TMTC1: variants seen among roughly 807,000 people sequenced by gnomAD.
TMTC1 encodes the protein protein O-mannosyl-transferase TMTC1.
TMTC1 carries 73 observed loss-of-function variants against 104.8 expected under a neutral mutation model. The ratio of observed to expected loss-of-function variants is 0.70; its 90% CI spans 0.58 to 0.85. The LOEUF (loss-of-function observed/expected upper bound fraction) is 0.85, where lower values mean the gene tolerates loss of function less well. Among genes scored for constraint, TMTC1 ranks in the 40% least tolerant of loss-of-function variants. The pLI, the probability that TMTC1 is intolerant of heterozygous loss-of-function variation, is 0.00. For synonymous variants in TMTC1, 434 were observed against 428.7 expected (o/e 1.01, Z -0.15); for missense variants, 1,035 against 1,096.1 (o/e 0.94, Z 0.79).
rs150295105 is a variant in TMTC1, at chr12:29,667,729, C to T, written c.939-34393G>A. 7.2e-3 allele frequency among the ~76,000 whole-genome samples: 1,094 copies of T among 152,234 alleles called. 9 individuals are homozygous for T. The highest frequency in any genetic ancestry group is 7.7e-3 in the Non-Finnish European group (523 of 68,014). On this transcript the variant is annotated intron_variant, in intron 5 of 17. Transcript: ENST00000539277. ...TCTATGATTAATTTAGTTGGAGGCC[C>T]TAGTTTTTTATTCCTTCTACAACTA...
intron 6 of TMTC1, among the ~76,000 whole-genome samples, chr12:29,621,128 A>C (rs893857729): frequency 1.7e-4 from 26 of 152,226 alleles, no homozygotes; most frequent in Non-Finnish European, 2.9e-5. Flanking sequence ...TGAAAAGAGG[A>C]ATGTAGGCCA....
intron 5 of TMTC1, among the ~76,000 whole-genome samples, chr12:29,695,353 C>T (rs1941385352): frequency 6.6e-6 from 1 of 151,880 alleles, no homozygotes; most frequent in Non-Finnish European, 1.5e-5. Context: ...TGTTGACAGG[C>T]TGGAGTGTGG....
At chr12:29,704,121 T>C (rs1265990065) in intron 5 of TMTC1, among the ~76,000 whole-genome samples, 1 of 152,232 alleles carries the variant, frequency 6.6e-6, no homozygotes, top group African/African-American at 2.4e-5. Context: ...TTATTATCAT[T>C]GGTACCTGAT....
intron 5 of TMTC1, among the ~76,000 whole-genome samples, chr12:29,744,913 GT>G (rs1392740873): frequency 6.6e-6 from 1 of 151,898 alleles, no homozygotes; most frequent in African/African-American, 2.4e-5. Flanking sequence ...TTGAAAATAA[GT>G]TTTGTACTTA....
intron 5 of TMTC1, among the ~76,000 whole-genome samples, chr12:29,708,806 CT>C (rs1941821946): frequency 6.6e-6 from 1 of 152,192 alleles, no homozygotes; most frequent in Non-Finnish European, 1.5e-5. Flanking sequence ...GATAGAGCCT[CT>C]GCAACAAGAG....
At chr12:29,656,339 T>TATATATAC (rs896600524) in intron 5 of TMTC1, among the ~76,000 whole-genome samples, 24 of 146,936 alleles carry the variant, frequency 1.6e-4, no homozygotes, top group African/African-American at 5.0e-4. Flanking sequence ...TATATATATA[T>TATATATAC]ACACACATAC....
At position 29,505,907 on chromosome 12, in the gene TMTC1, G is replaced by A. The variant is rs959377215; in HGVS notation, c.*939C>T. Reference sequence around the variant, plus strand: ...TGATACATCATAAAGGTTCCTCAATGGTTCAATATATTTTTCAAAAAAATA... The same window carrying A: ...TGATACATCATAAAGGTTCCTCAATAGTTCAATATATTTTTCAAAAAAATA... On this transcript the variant is annotated 3_prime_UTR_variant, in exon 18 of 18. Coordinates refer to ENST00000539277, the MANE Select transcript of TMTC1 (RefSeq NM_001193451.2). 6.6e-6 allele frequency: 1 copy of A among 151,630 alleles called. No homozygotes were observed. Among genetic ancestry groups the A allele is most frequent in the Non-Finnish European group, 1.5e-5 (1 of 67,896 alleles). 9.4% of individuals were successfully genotyped at this position (151,630 alleles called of 1,614,324 possible). A position where few individuals can be genotyped will look rare whatever the true frequency, so the allele number is the denominator to read the frequency against.
chr12:29,580,726 C>A (rs1565685332), intron 8 of TMTC1, among the ~76,000 whole-genome samples: 1 of 152,186 alleles, frequency 6.6e-6, no homozygotes, highest in Non-Finnish European at 1.5e-5. Flanking sequence ...TTTTTCTCCT[C>A]TTTTAATACT....
chr12:29,775,856 A>G (rs993264866), intron 1 of TMTC1, among the ~76,000 whole-genome samples: 6 of 152,090 alleles, frequency 3.9e-5, no homozygotes, highest in African/African-American at 1.4e-4. Flanking sequence ...ATAACCATCT[A>G]GGAGCCCACC....
rs112213420 is a variant in TMTC1, at chr12:29,600,219, C to T, written c.1250+3959G>A. ...ATTATCCAGTGCTCTGACACATCCA[C>T]GGGATGCCTATAGCATCTGTAAAAT... is the stretch of plus-strand genomic sequence containing the variant. On this transcript the variant is annotated intron_variant, in intron 7 of 17. Coordinates refer to ENST00000539277, the MANE Select transcript of TMTC1 (RefSeq NM_001193451.2). Among the ~76,000 whole-genome samples the T allele has an allele frequency of 8.9e-4, 136 of 152,022 alleles. 1 individual carries two copies. The highest frequency in any genetic ancestry group is 3.1e-3 in the African/African-American group (130 of 41,454).
At chr12:29,681,490 T>C (rs1019275071) in intron 5 of TMTC1, among the ~76,000 whole-genome samples, 2 of 152,186 alleles carry the variant, frequency 1.3e-5, no homozygotes, top group Non-Finnish European at 1.5e-5. Context: ...CTCCTAGAAG[T>C]ACACAGCACC....
intron 6 of TMTC1, among the ~76,000 whole-genome samples, chr12:29,616,705 C>T (rs1946990172): frequency 6.7e-6 from 1 of 148,234 alleles, no homozygotes; most frequent in Non-Finnish European, 1.5e-5. Context: ...TTCTGCTGTT[C>T]AGCCCTTTGT....
At chr12:29,596,388 CTT>C (rs1172608416) in intron 7 of TMTC1, among the ~76,000 whole-genome samples, 19 of 152,166 alleles carry the variant, frequency 1.2e-4, no homozygotes, top group Admixed American at 1.2e-3. Flanking sequence ...TTATTTCATT[CTT>C]TGTCTTCAGA....
At chr12:29,624,273 C>T (rs1258960742) in intron 6 of TMTC1, among the ~76,000 whole-genome samples, 1 of 152,178 alleles carries the variant, frequency 6.6e-6, no homozygotes, top group Non-Finnish European at 1.5e-5. Flanking sequence ...AGCCACTGCG[C>T]CCAGCAAGGA....
At chr12:29,527,264 A>G (rs1183407166) in intron 11 of TMTC1, among the ~76,000 whole-genome samples, 1 of 152,220 alleles carries the variant, frequency 6.6e-6, no homozygotes, top group Non-Finnish European at 1.5e-5. Context: ...AAGATCTGAG[A>G]AAGACAACAT....
intron 16 of TMTC1, 97 bp downstream of exon 16, chr12:29,514,385 T>C: frequency 7.8e-7 from 1 of 1,285,582 alleles, no homozygotes; most frequent in Non-Finnish European, 1.1e-6. Flanking sequence ...TACATGCCAG[T>C]GATCTTAGAT....
intron 10 of TMTC1, among the ~76,000 whole-genome samples, chr12:29,546,015 T>G (rs1944933573): frequency 6.6e-6 from 1 of 152,166 alleles, no homozygotes; most frequent in Admixed American, 6.5e-5. Flanking sequence ...ACATGTAATT[T>G]TGCAGTAGAA....
intron 11 of TMTC1, 87 bp downstream of exon 11, chr12:29,536,122 A>C: frequency 1.1e-6 from 1 of 923,558 alleles, no homozygotes; most frequent in Non-Finnish European, 1.7e-6. Flanking sequence ...GGGTTTACAA[A>C]TTAAATCATT....
At position 29,538,588 on chromosome 12, in the gene TMTC1, G is replaced by A. The variant is rs12828726; in HGVS notation, c.1677-2271C>T. On this transcript the variant is annotated intron_variant, in intron 10 of 17. Coordinates refer to ENST00000539277, the MANE Select transcript of TMTC1 (RefSeq NM_001193451.2). Reference sequence around the variant, plus strand: ...AATGACTTAATGGTTTTCTTTTGTCGTGGCTCATATCAGTTAGAATGGAAA... The same window carrying A: ...AATGACTTAATGGTTTTCTTTTGTCATGGCTCATATCAGTTAGAATGGAAA... Among the ~76,000 whole-genome samples, 1,470 of 151,864 alleles carry A rather than the reference G, an allele frequency of 9.7e-3. 17 individuals carry two copies. The highest frequency in any genetic ancestry group is 0.038 in the South Asian group (182 of 4,806).
Sources: gnomAD v4.1 joint callset for allele counts (sites outside exome capture counted in the v4.1 genomes callset) on GRCh38, gnomAD v4.1.1 for gene constraint, MANE v1.5 for transcripts, NCBI Gene and HGNC (gene_info 2026-07-23, HGNC 2026-07-21) for gene names.